Variants in HSD17B3 observed in about 807,000 individuals in gnomAD.
The protein encoded by HSD17B3 is hydroxysteroid 17-beta dehydrogenase 3, also known as 17-beta-hydroxysteroid dehydrogenase type 3.
In HSD17B3, 29 loss-of-function variants were observed where a neutral mutation model predicts 41.1. The observed-to-expected ratio is 0.71, with a 90% CI of 0.53 to 0.96. The LOEUF (loss-of-function observed/expected upper bound fraction) is 0.96, where lower values mean the gene tolerates loss of function less well. Ranked by LOEUF, HSD17B3 falls within the 40% of genes least tolerant of loss-of-function variation. HSD17B3 has a pLI of 0.00. For missense variants in HSD17B3, 323 were observed against 374.6 expected (o/e 0.86, Z 1.14); for synonymous variants, 126 against 145.6 (o/e 0.87, Z 0.97).
intron 2 of HSD17B3, among the ~76,000 whole-genome samples, 196 bp from the exon 3 acceptor site, chr9:96,255,139 G>T (rs1003941337): frequency 1.3e-5 from 2 of 152,146 alleles, no homozygotes; most frequent in African/African-American, 4.8e-5. Flanking sequence ...AGGCTAACTA[G>T]TAGGGCCATC....
chr9:96,266,213 C>T (rs1039256954), intron 2 of HSD17B3, among the ~76,000 whole-genome samples: 1 of 152,150 alleles, frequency 6.6e-6, no homozygotes, highest in Non-Finnish European at 1.5e-5. Context: ...CTCCTTTTAG[C>T]GTTTAGTTTT....
chr9:96,293,637 ATGTGTCTG>A (rs965528076), intron 2 of HSD17B3, among the ~76,000 whole-genome samples: 4 of 145,164 alleles, frequency 2.8e-5, no homozygotes, highest in African/African-American at 1.1e-4. Flanking sequence ...AGCTGTCTCT[ATGTGTCTG>A]TGTGTCTGTG....
intron 2 of HSD17B3, among the ~76,000 whole-genome samples, chr9:96,292,204 AGAAAAAATACACT>A (rs1261811091): frequency 1.3e-5 from 2 of 152,170 alleles, no homozygotes; most frequent in Admixed American, 1.3e-4. Context: ...TAAGCAACAG[AGAAAAAATACACT>A]GAAAAAATTG....
chr9:96,272,239 C>T (rs1015060998), intron 2 of HSD17B3, among the ~76,000 whole-genome samples: 4 of 150,040 alleles, frequency 2.7e-5, no homozygotes, highest in Non-Finnish European at 4.4e-5. Context: ...TGTGGTGGTA[C>T]GGACCTGTAG....
intron 2 of HSD17B3, among the ~76,000 whole-genome samples, chr9:96,259,718 C>T (rs1825793744): frequency 9.5e-6 from 1 of 105,356 alleles, no homozygotes; most frequent in South Asian, 2.3e-4. Flanking sequence ...AAGACTCCGT[C>T]TCAAAAGAAA....
At chr9:96,291,802 C>A (rs550992294) in intron 2 of HSD17B3, among the ~76,000 whole-genome samples, 7 of 152,034 alleles carry the variant, frequency 4.6e-5, no homozygotes, top group African/African-American at 1.7e-4. Flanking sequence ...ATTAAAAATA[C>A]AAAAATTAGC....
At chr9:96,254,802 G>T in intron 3 of HSD17B3, 66 bp downstream of exon 3, 2 of 1,357,516 alleles carry the variant, frequency 1.5e-6, no homozygotes, top group Non-Finnish European at 2.1e-6. Flanking sequence ...ACATCAACTG[G>T]CATGGTGGGA....
At chr9:96,236,373 C>A (rs1217879482) in intron 10 of HSD17B3, among the ~76,000 whole-genome samples, 3 of 151,684 alleles carry the variant, frequency 2.0e-5, no homozygotes, top group Admixed American at 1.3e-4. Context: ...AAAAATTAGC[C>A]AGACATGGTG....
intron 2 of HSD17B3, among the ~76,000 whole-genome samples, chr9:96,274,614 C>A (rs541260344): frequency 6.6e-6 from 1 of 151,880 alleles, no homozygotes; most frequent in East Asian, 1.9e-4. Context: ...ATGAAAAATG[C>A]AATAGAAAGC....
At chr9:96,286,640 A>T (rs1826930135) in intron 2 of HSD17B3, among the ~76,000 whole-genome samples, 2 of 151,958 alleles carry the variant, frequency 1.3e-5, no homozygotes, top group African/African-American at 4.8e-5. Context: ...CAGTGAGCCA[A>T]GACTGTGCCA....
At chr9:96,251,622 A>T (rs558316246) in intron 4 of HSD17B3, 137 bp from the exon 5 acceptor site, 14 of 777,688 alleles carry the variant, frequency 1.8e-5, no homozygotes, top group Admixed American at 1.8e-4. Flanking sequence ...ACTGGGGGGA[A>T]GTTTTTGTCC....
chr9:96,266,416 G>T (rs1826045289), intron 2 of HSD17B3, among the ~76,000 whole-genome samples: 1 of 152,032 alleles, frequency 6.6e-6, no homozygotes, highest in African/African-American at 2.4e-5. Flanking sequence ...GAAACTACAG[G>T]CATGCACCAC....
intron 3 of HSD17B3, 117 bp downstream of exon 3, chr9:96,254,751 T>C (rs921072976): frequency 8.2e-6 from 7 of 857,792 alleles, no homozygotes; most frequent in Non-Finnish European, 1.4e-5. Flanking sequence ...CCAGGAGAGC[T>C]GGTGCCCCAG....
intron 4 of HSD17B3, 58 bp downstream of exon 4, chr9:96,252,745 G>A (rs1348650591): frequency 2.3e-6 from 2 of 869,946 alleles, no homozygotes; most frequent in Non-Finnish European, 4.0e-6. Flanking sequence ...TCACTCATCA[G>A]TGTCAGGTTA....
intron 9 of HSD17B3, among the ~76,000 whole-genome samples, chr9:96,241,973 G>GAAAA (rs1564023384): frequency 9.1e-6 from 1 of 109,600 alleles, no homozygotes; most frequent in Admixed American, 9.5e-5. Context: ...AAGAAAGAAA[G>GAAAA]AAAGAAAGAA....
At chr9:96,251,618 G>T in intron 4 of HSD17B3, 133 bp from the exon 5 acceptor site, 3 of 811,814 alleles carry the variant, frequency 3.7e-6, no homozygotes, top group Non-Finnish European at 6.2e-6. Flanking sequence ...GGAAACTGGG[G>T]GGAAGTTTTT....
chr9:96,263,362 G>T (rs1825931365), intron 2 of HSD17B3, among the ~76,000 whole-genome samples: 1 of 152,016 alleles, frequency 6.6e-6, no homozygotes, highest in Non-Finnish European at 1.5e-5. Flanking sequence ...TCACAATTGG[G>T]TAATTGAGCA....
intron 2 of HSD17B3, among the ~76,000 whole-genome samples, chr9:96,272,636 C>T (rs1826310264): frequency 6.6e-6 from 1 of 150,736 alleles, no homozygotes; most frequent in Admixed American, 6.7e-5. Context: ...AATACAGCAA[C>T]TGTGGAAAAG....
At chr9:96,251,343 G>A in intron 5 of HSD17B3, 75 bp downstream of exon 5, 1 of 1,270,160 alleles carries the variant, frequency 7.9e-7, no homozygotes, top group African/African-American at 1.5e-5. Context: ...GCCTTCCCAG[G>A]CCTGACTCAT....
Sources: allele counts gnomAD v4.1 joint callset (sites outside exome capture counted in the v4.1 genomes callset), GRCh38; gene constraint gnomAD v4.1.1; transcripts MANE v1.5; gene names NCBI Gene and HGNC (gene_info 2026-07-23, HGNC 2026-07-21).